The following SNTB2 variants were observed in gnomAD, a reference collection of about 807,000 sequenced individuals.
SNTB2 encodes the protein syntrophin beta 2.
A neutral mutation model predicts 46.2 loss-of-function variants in SNTB2; 34 were observed. That is an observed-to-expected ratio of 0.74 (90% CI 0.56 to 0.98). The LOEUF is 0.98. Among genes scored for constraint, SNTB2 ranks in the 50% least tolerant of loss-of-function variants. The pLI is 0.00. For missense variants in SNTB2, 603 were observed against 731.4 expected (o/e 0.82, Z 2.02); for synonymous variants, 290 against 312.6 (o/e 0.93, Z 0.76).
intron 1 of SNTB2, among the ~76,000 whole-genome samples, chr16:69,229,151 A>T (rs1964483551): frequency 6.6e-6 from 1 of 152,042 alleles, no homozygotes; most frequent in South Asian, 2.1e-4. Flanking sequence ...TTTTCTAATA[A>T]TTTTTTTCAT....
intron 1 of SNTB2, among the ~76,000 whole-genome samples, chr16:69,212,194 C>G (rs769128709): frequency 2.0e-5 from 3 of 152,102 alleles, no homozygotes; most frequent in Non-Finnish European, 4.4e-5. Context: ...ACTAGCCAGG[C>G]AGGCTTATTT....
chr16:69,284,357 C>T, intron 5 of SNTB2, 113 bp downstream of exon 5: 1 of 774,206 alleles, frequency 1.3e-6, no homozygotes, highest in Non-Finnish European at 1.9e-6. Context: ...ACAGCAGTCC[C>T]CTCAGATTAT....
At chr16:69,197,926 T>C (rs1413381980) in intron 1 of SNTB2, among the ~76,000 whole-genome samples, 1 of 152,152 alleles carries the variant, frequency 6.6e-6, no homozygotes, top group Non-Finnish European at 1.5e-5. Context: ...AGGATAAAAA[T>C]ACATATTTTT....
chr16:69,268,938 G>A (rs1964912032), intron 3 of SNTB2, among the ~76,000 whole-genome samples: 1 of 152,114 alleles, frequency 6.6e-6, no homozygotes, highest in South Asian at 2.1e-4. Context: ...GGGAGGCCAA[G>A]GTGGGCGGAT....
chr16:69,232,732 G>A (rs1209963828), intron 1 of SNTB2, among the ~76,000 whole-genome samples: 1 of 148,262 alleles, frequency 6.7e-6, no homozygotes, highest in East Asian at 2.0e-4. Context: ...GGATGGTCTC[G>A]ATTTCTTGAC....
intron 4 of SNTB2, among the ~76,000 whole-genome samples, chr16:69,275,401 A>G (rs1964977759): frequency 4.6e-5 from 7 of 152,238 alleles, no homozygotes; most frequent in Non-Finnish European, 1.5e-5. Flanking sequence ...TAATGTAACA[A>G]CAGGGATTCT....
chr16:69,206,164 A>T (rs1342687003), intron 1 of SNTB2, among the ~76,000 whole-genome samples: 5 of 152,004 alleles, frequency 3.3e-5, no homozygotes. Flanking sequence ...TTGGCTAATT[A>T]AAAAAAGTTT....
rs191422319 is a variant in SNTB2 at position 69,307,469 on chromosome 16, A to G, written c.*6545A>G. 27 of 152,362 alleles carry G rather than the reference A, an allele frequency of 1.8e-4. No homozygotes were observed. Among genetic ancestry groups the G allele is most frequent in the Admixed American group, 1.7e-3 (26 of 15,306 alleles). The allele number at this position is 152,362 out of a possible 1,614,324, so 9.4% of individuals were successfully genotyped here. A position where few individuals can be genotyped will look rare whatever the true frequency, so the allele number is the denominator to read the frequency against. On this transcript the variant is annotated 3_prime_UTR_variant, in exon 7 of 7. Transcript: ENST00000336278. ...AGATAAATCACAACAACAAAAATTA[A>G]GTTTTATTGCACAAAGTAGATAAAT...
At chr16:69,221,912 A>G (rs961114804) in intron 1 of SNTB2, among the ~76,000 whole-genome samples, 8 of 152,226 alleles carry the variant, frequency 5.3e-5, no homozygotes, top group Non-Finnish European at 8.8e-5. Flanking sequence ...CTCAGGTATG[A>G]GCTGATAGAT....
chr16:69,274,652 CAAAA>C (rs758148568), intron 4 of SNTB2, among the ~76,000 whole-genome samples: 2 of 66,742 alleles, frequency 3.0e-5, no homozygotes. Flanking sequence ...GACTCCATCT[CAAAA>C]AAAAAAAAAA....
In SNTB2 at chr16:69,281,805, T is replaced by C. The variant is rs185718984; in HGVS notation, c.1149-2243T>C. On this transcript the variant is annotated intron_variant, in intron 4 of 6. Coordinates refer to ENST00000336278, the MANE Select transcript of SNTB2 (RefSeq NM_006750.4). ...TTGCAGTGAGCGGAAATCATGCCAT[T>C]GTGCTCCAGCCTGGGCGAGAAGAGC... Among the ~76,000 whole-genome samples, 717 of 150,644 alleles carry C rather than the reference T, an allele frequency of 4.8e-3. 5 individuals carry two copies. The highest frequency in any genetic ancestry group is 9.5e-3 in the Admixed American group (144 of 15,134).
chr16:69,300,903 T>C lies in SNTB2; in HGVS notation c.1602T>C (p.Thr534=). Residue 534 remains threonine (T), a synonymous_variant, in exon 7 of 7, where the codon ACT becomes ACC. Transcript: ENST00000336278. ...VLHTFLSAKV[T]RMGLLV is the part of the protein sequence containing the mutation. ...ACACGTTTTTATCGGCCAAAGTCAC[T>C]CGTATGGGACTGCTTGTATGAGCAA... 6.2e-7 allele frequency: 1 copy of C among 1,612,672 alleles called. No homozygotes were observed. Among genetic ancestry groups the C allele is most frequent in the Non-Finnish European group, 8.5e-7 (1 of 1,178,764 alleles).
At chr16:69,252,616 T>C (rs1964737243) in intron 2 of SNTB2, among the ~76,000 whole-genome samples, 4 of 152,224 alleles carry the variant, frequency 2.6e-5, no homozygotes, top group Admixed American at 2.6e-4. Flanking sequence ...ACATAAGTTA[T>C]ATCAAAGGCT....
chr16:69,257,169 CAAA>C (rs35505662), intron 2 of SNTB2, among the ~76,000 whole-genome samples: 3 of 101,796 alleles, frequency 2.9e-5, no homozygotes. Context: ...GACTCCATCT[CAAA>C]AAAAAAAAAA....
chr16:69,228,141 A>C (rs2152294533), intron 1 of SNTB2, among the ~76,000 whole-genome samples: 1 of 152,260 alleles, frequency 6.6e-6, no homozygotes, highest in Non-Finnish European at 1.5e-5. Context: ...TAAACAGTTT[A>C]CTTTTATTAG....
intron 4 of SNTB2, among the ~76,000 whole-genome samples, chr16:69,270,820 GGAAAA>G (rs1250725891): frequency 6.6e-6 from 1 of 152,146 alleles, no homozygotes; most frequent in East Asian, 1.9e-4. Flanking sequence ...GGGCTGAAAG[GGAAAA>G]GAATAGAGAA....
chr16:69,214,922 C>T (rs755562507), intron 1 of SNTB2, among the ~76,000 whole-genome samples: 2 of 152,140 alleles, frequency 1.3e-5, no homozygotes, highest in Admixed American at 6.6e-5. Flanking sequence ...CGATTCACTG[C>T]AACCTCCACC....
chr16:69,271,794 A>G (rs1418638126), intron 4 of SNTB2, among the ~76,000 whole-genome samples: 1 of 152,234 alleles, frequency 6.6e-6, no homozygotes, highest in African/African-American at 2.4e-5. Flanking sequence ...ACCTGGAAGC[A>G]TGAAGCAGAA....
chr16:69,270,389 T>G, intron 4 of SNTB2, 104 bp downstream of exon 4: 1 of 1,410,236 alleles, frequency 7.1e-7, no homozygotes, highest in Non-Finnish European at 9.7e-7. Flanking sequence ...AAAGAGCATT[T>G]AAGTAGCGGA....
Sources: allele counts gnomAD v4.1 joint callset (sites outside exome capture counted in the v4.1 genomes callset), GRCh38; gene constraint gnomAD v4.1.1; transcripts MANE v1.5; gene names NCBI Gene and HGNC (gene_info 2026-07-23, HGNC 2026-07-21).